Variants in RGCC observed in about 807,000 individuals in gnomAD.
RGCC encodes regulator of cell cycle RGCC.
Under a neutral mutation model 15.4 loss-of-function variants are expected in RGCC, and 15 were observed. The observed-to-expected ratio is 0.97, with a 90% CI of 0.65 to 1.50. RGCC has a LOEUF of 1.50. Ranked by LOEUF, RGCC falls within the 40% of genes most tolerant of loss-of-function variation. The pLI, the probability that RGCC is intolerant of heterozygous loss-of-function variation, is 0.00. For synonymous variants in RGCC, 81 were observed against 78.0 expected, an observed-to-expected ratio of 1.04 and a Z score of -0.20; for missense variants, 176 against 189.7, an observed-to-expected ratio of 0.93 and a Z score of 0.42.
intron 2 of RGCC, among the ~76,000 whole-genome samples, chr13:41,462,508 G>A (rs1479476854): frequency 2.0e-5 from 3 of 152,158 alleles, no homozygotes; most frequent in South Asian, 2.1e-4. Flanking sequence ...GTGAGATGGT[G>A]CTTTAGAGCT....
intron 2 of RGCC, among the ~76,000 whole-genome samples, chr13:41,463,216 C>T (rs1018266812): frequency 2.0e-5 from 3 of 152,146 alleles, no homozygotes; most frequent in South Asian, 2.1e-4. Flanking sequence ...GATGCCCACT[C>T]GCCAGTGGTG....
chr13:41,460,078 A>G (rs2043813949), intron 2 of RGCC, among the ~76,000 whole-genome samples: 1 of 152,212 alleles, frequency 6.6e-6, no homozygotes, highest in African/African-American at 2.4e-5. Context: ...GATAGTTTGT[A>G]GTTTTGCTTA....
chr13:41,461,119 A>G (rs998958516), intron 2 of RGCC, among the ~76,000 whole-genome samples: 1 of 152,216 alleles, frequency 6.6e-6, no homozygotes, highest in East Asian at 1.9e-4. Context: ...GCCTCTTAAG[A>G]CATGAAGAGG....
Position 41,458,231 on chromosome 13 carries a change from T to A in RGCC, c.50-54T>A. On this transcript the variant is annotated intron_variant, in intron 1 of 4. Coordinates refer to ENST00000379359, the MANE Select transcript of RGCC (RefSeq NM_014059.3). The surrounding 1 kb of genome is among the most constrained non-coding windows in gnomAD (Gnocchi z 4.4). ...GGCGGCCCCTCCTGGCCCTGGGAGGTGGTCCCGCTGCCCCCCTGACTTCCG... is the reference window on the plus strand; with the variant it reads ...GGCGGCCCCTCCTGGCCCTGGGAGGAGGTCCCGCTGCCCCCCTGACTTCCG... The A allele has an allele frequency of 1.4e-6, 2 of 1,428,166 alleles. No individual in the cohort carries two copies. The highest frequency in any genetic ancestry group is 1.9e-6 in the Non-Finnish European group (2 of 1,064,646). 88.5% of individuals were successfully genotyped at this position (1,428,166 alleles called of 1,614,324 possible). A position where few individuals can be genotyped will look rare whatever the true frequency, so the allele number is the denominator to read the frequency against.
At chr13:41,466,233 A>T (rs2043848522) in intron 2 of RGCC, among the ~76,000 whole-genome samples, 1 of 149,110 alleles carries the variant, frequency 6.7e-6, no homozygotes. Flanking sequence ...ACACACACAT[A>T]TTCTCACACA....
chr13:41,470,574 C>T lies in RGCC; in HGVS notation c.*89C>T, dbSNP rs1830643282. 2 of 1,324,604 alleles carry T rather than the reference C, an allele frequency of 1.5e-6. No homozygotes were observed. The highest frequency in any genetic ancestry group is 2.9e-5 in the African/African-American group (2 of 69,038). The allele number at this position is 1,324,604 out of a possible 1,614,324, so 82.1% of individuals were successfully genotyped here. A position where few individuals can be genotyped will look rare whatever the true frequency, so the allele number is the denominator to read the frequency against. ...AAAATCAGCTACTAGAATCTGCTGC[C>T]AGAGGGGACAAAGACGTGCACTCAA... On this transcript the variant is annotated 3_prime_UTR_variant, in exon 5 of 5. Coordinates refer to ENST00000379359, the MANE Select transcript of RGCC (RefSeq NM_014059.3).
At chr13:41,469,964 G>A (rs1039708508) in intron 4 of RGCC, among the ~76,000 whole-genome samples, 4 of 152,142 alleles carry the variant, frequency 2.6e-5, no homozygotes, top group Non-Finnish European at 5.9e-5. Context: ...CACAGAGTGG[G>A]CTAGGAAAAT....
chr13:41,459,842 C>G (rs981475126), intron 2 of RGCC, among the ~76,000 whole-genome samples: 12 of 152,202 alleles, frequency 7.9e-5, no homozygotes, highest in Admixed American at 7.9e-4. Flanking sequence ...AATACAGATT[C>G]TCGCATGGAA....
At chr13:41,462,503 A>T (rs548541657) in intron 2 of RGCC, among the ~76,000 whole-genome samples, 164 of 152,276 alleles carry the variant, frequency 1.1e-3, no homozygotes, top group African/African-American at 3.7e-3. Context: ...TACATGTGAG[A>T]TGGTGCTTTA....
chr13:41,458,346 G>C lies in RGCC; in HGVS notation c.111G>C (p.Ala37=), dbSNP rs771322882. The C allele has an allele frequency of 2.5e-6, 4 of 1,590,634 alleles. No individual in the cohort carries two copies. The South Asian group carries it at 3.4e-5, about 13-fold the overall frequency. The stretch of plus-strand genomic sequence containing the variant: ...CGGACGCGCTGTGCGAGTTTGACGC[G>C]GTGCTGGCCGACTTCGCGTCGCCCT... ...DLSDALCEFD[A]VLADFASPFH... Residue 37 remains alanine (A), a synonymous_variant, in exon 2 of 5, where the codon GCG becomes GCC. Transcript: ENST00000379359. The surrounding 1 kb of genome is among the most constrained non-coding windows in gnomAD (Gnocchi z 4.4).
rs560023592 is a variant in RGCC, at chr13:41,466,655, C to T, written c.236-168C>T. 7.4e-4 allele frequency among the ~76,000 whole-genome samples: 112 copies of T among 152,280 alleles called. No individual in the cohort carries two copies. In the South Asian group the frequency reaches 0.022, roughly 30 times the overall value. On this transcript the variant is annotated intron_variant, in intron 2 of 4. Coordinates refer to ENST00000379359, the MANE Select transcript of RGCC (RefSeq NM_014059.3). ...CCACCTGCTTCAGCTTCCCAAAGTG[C>T]TGAGATTACAGCCGTGAGCCACCCC...
Position 41,458,590 on chromosome 13 carries a change from C to A in RGCC, c.235+120C>A. On this transcript the variant is annotated intron_variant, in intron 2 of 4. Transcript: ENST00000379359. This position sits in a 1 kb window ranked among gnomAD's most constrained non-coding sequence, Gnocchi z 4.4. ...TGAGGAATGGTTTCCTGAAGCTCAA[C>A]GCAGTAGGCCGAGTGGTGGCGGGGC... The A allele has an allele frequency of 1.8e-6, 2 of 1,116,902 alleles. No individual in the cohort carries two copies. Among genetic ancestry groups the A allele is most frequent in the Non-Finnish European group, 2.5e-6 (2 of 806,476 alleles). The allele number at this position is 1,116,902 out of a possible 1,614,324, so 69.2% of individuals were successfully genotyped here. A position where few individuals can be genotyped will look rare whatever the true frequency, so the allele number is the denominator to read the frequency against.
intron 2 of RGCC, among the ~76,000 whole-genome samples, chr13:41,459,821 G>C (rs1262293005): frequency 6.6e-6 from 1 of 152,240 alleles, no homozygotes; most frequent in African/African-American, 2.4e-5. Context: ...CATGGAGCAA[G>C]TTATTCATCA....
Position 41,457,558 on chromosome 13 carries a change from C to T in RGCC, c.-150C>T, listed in dbSNP as rs1056912407. Reference sequence around the variant, plus strand: ...GAACCCGAGCCGGTGGTAGGGCGGGCGCGGACCGTGCTGGGAGCGGCGCGG... The same window carrying T: ...GAACCCGAGCCGGTGGTAGGGCGGGTGCGGACCGTGCTGGGAGCGGCGCGG... On this transcript the variant is annotated 5_prime_UTR_variant, in exon 1 of 5. Transcript: ENST00000379359. This position sits in a 1 kb window ranked among gnomAD's most constrained non-coding sequence, Gnocchi z 4.9. 2.0e-4 allele frequency: 259 copies of T among 1,309,088 alleles called. No individual in the cohort carries two copies. Among genetic ancestry groups the T allele is most frequent in the Non-Finnish European group, 2.5e-4 (249 of 1,013,534 alleles). 81.1% of individuals were successfully genotyped at this position (1,309,088 alleles called of 1,614,324 possible). A position where few individuals can be genotyped will look rare whatever the true frequency, so the allele number is the denominator to read the frequency against.
At position 41,458,342 on chromosome 13, in the gene RGCC, A is replaced by C. The variant is rs1441911616; in HGVS notation, c.107A>C (p.Asp36Ala). The C allele has an allele frequency of 6.3e-7, 1 of 1,590,274 alleles. No homozygotes were observed. The highest frequency in any genetic ancestry group is 8.5e-7 in the Non-Finnish European group (1 of 1,174,668). ...EDLSDALCEF[D>A]AVLADFASPF... is the part of the protein sequence containing the mutation. ...CTGTCGGACGCGCTGTGCGAGTTTG[A>C]CGCGGTGCTGGCCGACTTCGCGTCG... Residue 36 changes from aspartate to alanine, a missense_variant, in exon 2 of 5, where the codon GAC becomes GCC. By Grantham distance (126) the Asp-to-Ala change is moderately radical (BLOSUM62 -2). Transcript: ENST00000379359. The surrounding 1 kb of genome is among the most constrained non-coding windows in gnomAD (Gnocchi z 4.4).
Position 41,457,683 on chromosome 13 carries a change from G to T in RGCC, c.-25G>T, listed in dbSNP as rs761024636. 4.0e-6 allele frequency: 6 copies of T among 1,494,610 alleles called. No individual in the cohort carries two copies. Among genetic ancestry groups the T allele is most frequent in the Admixed American group, 4.6e-5 (2 of 43,320 alleles). The allele number at this position is 1,494,610 out of a possible 1,614,324, so 92.6% of individuals were successfully genotyped here. ...CACCTCGCAGGACCCAAGGCCACGC[G>T]CGCCGGGCCCAGCTGAGCCGCCTCA... On this transcript the variant is annotated 5_prime_UTR_variant, in exon 1 of 5. Transcript: ENST00000379359. The surrounding 1 kb of genome is among the most constrained non-coding windows in gnomAD (Gnocchi z 4.9).
In RGCC at chr13:41,457,819, G is replaced by C; in HGVS notation, c.49+63G>C. 2.2e-6 allele frequency: 3 copies of C among 1,354,652 alleles called. No individual in the cohort carries two copies. 83.9% of individuals were successfully genotyped at this position (1,354,652 alleles called of 1,614,324 possible). ...TCTGCAGATGGCGGGTGAGAAAGGA[G>C]GGGCCCCGTGTCGTCCCTTCACACC... On this transcript the variant is annotated intron_variant, in intron 1 of 4. Coordinates refer to ENST00000379359, the MANE Select transcript of RGCC (RefSeq NM_014059.3). This position sits in a 1 kb window ranked among gnomAD's most constrained non-coding sequence, Gnocchi z 4.9.
intron 2 of RGCC, among the ~76,000 whole-genome samples, chr13:41,459,179 A>G (rs1336782328): frequency 6.6e-6 from 1 of 152,194 alleles, no homozygotes; most frequent in African/African-American, 2.4e-5. Context: ...CAGCAACAAC[A>G]ACAAAAACAA....
intron 2 of RGCC, among the ~76,000 whole-genome samples, chr13:41,459,692 T>A (rs1029595061): frequency 6.6e-6 from 1 of 152,254 alleles, no homozygotes; most frequent in African/African-American, 2.4e-5. Flanking sequence ...CCACTTAGAA[T>A]TTTTGGACTT....
Sources: gnomAD v4.1 joint callset for allele counts (sites outside exome capture counted in the v4.1 genomes callset) on GRCh38, gnomAD v4.1.1 for gene constraint, Gnocchi (gnomAD v3.1) non-coding constraint, MANE v1.5 for transcripts, NCBI Gene and HGNC (gene_info 2026-07-23, HGNC 2026-07-21) for gene names.